PKHD1L1: variants seen among roughly 807,000 people sequenced by gnomAD.
PKHD1L1 encodes fibrocystin-L.
A neutral mutation model predicts 462.9 loss-of-function variants in PKHD1L1; 434 were observed. The observed-to-expected ratio is 0.94, with a 90% CI of 0.87 to 1.02. The LOEUF is 1.02. Ranked by LOEUF, PKHD1L1 falls within the 50% of genes least tolerant of loss-of-function variation. The probability of loss-of-function intolerance (pLI) is 0.00; values close to 1 mark genes in which losing one functional copy is unlikely to be tolerated. For synonymous variants in PKHD1L1, 1,781 were observed against 1,750.0 expected (o/e 1.02, Z -0.44); for missense variants, 5,202 against 5,096.1 (o/e 1.02, Z -0.63).
Position 109,459,594 on chromosome 8 carries a change from G to C in PKHD1L1, c.7005-1G>C. 1 of 1,505,310 alleles carries C rather than the reference G, an allele frequency of 6.6e-7. No individual in the cohort carries two copies. The highest frequency in any genetic ancestry group is 1.4e-5 in the African/African-American group (1 of 71,400). 93.2% of individuals were successfully genotyped at this position (1,505,310 alleles called of 1,614,324 possible). A position where few individuals can be genotyped will look rare whatever the true frequency, so the allele number is the denominator to read the frequency against. ...AAATTTTTTTGTCAAAATTTTTACA[G>C]ACACAGTCAAGGAGAGAATGAAAAA... On this transcript the variant is annotated splice_acceptor_variant, in intron 46 of 77. Coordinates refer to ENST00000378402, the MANE Select transcript of PKHD1L1 (RefSeq NM_177531.6). LOFTEE classifies it high-confidence loss of function.
At chr8:109,379,030 A>G (rs924235175) in intron 2 of PKHD1L1, among the ~76,000 whole-genome samples, 4 of 152,180 alleles carry the variant, frequency 2.6e-5, no homozygotes, top group Admixed American at 2.6e-4. Flanking sequence ...GGGCCCATGA[A>G]GAATGGCCAT....
At chr8:109,481,633 G>C in intron 56 of PKHD1L1, 71 bp downstream of exon 56, 1 of 1,291,690 alleles carries the variant, frequency 7.7e-7, no homozygotes, top group East Asian at 2.9e-5. Flanking sequence ...TGGCACTAAA[G>C]TACATATCAG....
rs182627595 is a variant in PKHD1L1 at position 109,483,753 on chromosome 8, C to G, written c.9576+648C>G. ...AATTATTTAAAATATATTTTATTAT[C>G]TTGGTTACCTCTTCACTTCTAATTT... is the stretch of plus-strand genomic sequence containing the variant. On this transcript the variant is annotated intron_variant, in intron 57 of 77. Coordinates refer to ENST00000378402, the MANE Select transcript of PKHD1L1 (RefSeq NM_177531.6). Among the ~76,000 whole-genome samples the G allele has an allele frequency of 6.3e-3, 946 of 151,318 alleles. 11 individuals are homozygous for G. The highest frequency in any genetic ancestry group is 0.022 in the African/African-American group (903 of 41,386).
chr8:109,526,822 G>T lies in PKHD1L1; in HGVS notation c.12523G>T (p.Val4175Phe), dbSNP rs752085992. 19 of 1,567,372 alleles carry T rather than the reference G, an allele frequency of 1.2e-5. No individual in the cohort carries two copies. The South Asian group carries it at 2.2e-4, about 18-fold the overall frequency. ...GATTGAATTTATACTGGATAATGTT[G>T]TTGGGGTAGAATCCAGAACTTTCAG... ...YKIEFILDNV[V>F]GVESRTFSLL... Residue 4175 changes from valine to phenylalanine, a missense_variant, in exon 77 of 78, where the codon GTT (valine) becomes TTT (phenylalanine). Val to Phe is a conservative substitution (Grantham distance 50). Transcript: ENST00000378402.
chr8:109,507,125 G>T (rs1344192077), intron 68 of PKHD1L1, among the ~76,000 whole-genome samples: 2 of 152,088 alleles, frequency 1.3e-5, no homozygotes, highest in Non-Finnish European at 2.9e-5. Context: ...ATACTAATCT[G>T]CAATTGGTGA....
At chr8:109,413,395 C>A (rs766347943) in intron 20 of PKHD1L1, 26 bp from the exon 21 acceptor site, 84 of 1,412,438 alleles carry the variant, frequency 5.9e-5, no homozygotes, top group Non-Finnish European at 7.7e-5. Flanking sequence ...TATATTGTTA[C>A]CAATGTTTTT....
intron 59 of PKHD1L1, among the ~76,000 whole-genome samples, chr8:109,489,273 T>G (rs1246903919): frequency 2.0e-5 from 3 of 151,976 alleles, no homozygotes; most frequent in Non-Finnish European, 4.4e-5. Flanking sequence ...TGCCTCAGTT[T>G]TTTTTAACTA....
intron 1 of PKHD1L1, 126 bp downstream of exon 1, chr8:109,362,779 G>A: frequency 9.8e-7 from 1 of 1,020,582 alleles, no homozygotes; most frequent in Non-Finnish European, 1.5e-6. Context: ...GCGGTTGCAT[G>A]ACGATCCTGG....
At chr8:109,449,621 A>G (rs960653507) in intron 40 of PKHD1L1, 134 bp downstream of exon 40, 2 of 656,390 alleles carry the variant, frequency 3.0e-6, no homozygotes, top group African/African-American at 3.8e-5. Flanking sequence ...ATTCTAAGCA[A>G]TTTCTTCAGG....
intron 70 of PKHD1L1, 59 bp downstream of exon 70, chr8:109,508,323 A>T: frequency 1.4e-6 from 2 of 1,476,616 alleles, no homozygotes; most frequent in Non-Finnish European, 1.8e-6. Flanking sequence ...TATTAAATGC[A>T]TGAAGCCATC....
rs1436978323 is a variant in PKHD1L1, at chr8:109,533,699, A to T, written c.*3609A>T. ...TACATGGAGCAAGATGGCTCCTGAG[A>T]CCTGGAGGATAAAGGCCAGTGCCTT... On this transcript the variant is annotated 3_prime_UTR_variant, in exon 78 of 78. Coordinates refer to ENST00000378402, the MANE Select transcript of PKHD1L1 (RefSeq NM_177531.6). Among the ~76,000 whole-genome samples, 2 of 152,182 alleles carry T rather than the reference A, an allele frequency of 1.3e-5. No individual in the cohort carries two copies. Among genetic ancestry groups the T allele is most frequent in the Non-Finnish European group, 2.9e-5 (2 of 68,038 alleles).
chr8:109,374,054 T>A (rs7816111), intron 2 of PKHD1L1, among the ~76,000 whole-genome samples: 3 of 152,172 alleles, frequency 2.0e-5, no homozygotes, highest in African/African-American at 7.2e-5. Flanking sequence ...TTCCTGGATA[T>A]CCTTGTTAAC....
In PKHD1L1 at chr8:109,469,699, G is replaced by A. The variant is rs118153050; in HGVS notation, c.8605+2930G>A. Among the ~76,000 whole-genome samples, 642 of 152,142 alleles carry A rather than the reference G, an allele frequency of 4.2e-3. 5 individuals are homozygous for A. Among genetic ancestry groups the A allele is most frequent in the Non-Finnish European group, 7.5e-3 (511 of 67,996 alleles). The stretch of plus-strand genomic sequence containing the variant: ...AAAGGGTCATGTACCTGCTATCTGA[G>A]TAATAGCTATACCCACTGTCACAGT... On this transcript the variant is annotated intron_variant, in intron 50 of 77. Transcript: ENST00000378402.
intron 47 of PKHD1L1, 113 bp downstream of exon 47, chr8:109,459,949 TA>T: frequency 1.1e-4 from 95 of 879,914 alleles, no homozygotes; most frequent in Non-Finnish European, 1.3e-4. Flanking sequence ...TATCATTAAA[TA>T]TAATTTAATG....
intron 67 of PKHD1L1, among the ~76,000 whole-genome samples, chr8:109,499,518 TA>T (rs143222260): frequency 0.03 from 4,617 of 152,260 alleles, 219 homozygotes; most frequent in African/African-American, 0.11. Context: ...ACATGCTACA[TA>T]GGTTGTAATT....
In PKHD1L1 at chr8:109,497,084, A is replaced by T. The variant is rs1232454595; in HGVS notation, c.10476+17A>T. On this transcript the variant is annotated intron_variant, in intron 64 of 77. Coordinates refer to ENST00000378402, the MANE Select transcript of PKHD1L1 (RefSeq NM_177531.6). The stretch of plus-strand genomic sequence containing the variant: ...TATTTTCAGGTAATTATGATTAAAG[A>T]TGGTGATTGTTTATTTTCTTTTATG... 1 of 1,612,776 alleles carries T rather than the reference A, an allele frequency of 6.2e-7. No individual in the cohort carries two copies. Among genetic ancestry groups the T allele is most frequent in the Non-Finnish European group, 8.5e-7 (1 of 1,179,110 alleles).
intron 65 of PKHD1L1, among the ~76,000 whole-genome samples, chr8:109,497,837 GT>G (rs1192306160): frequency 1.3e-5 from 2 of 152,046 alleles, no homozygotes; most frequent in African/African-American, 4.8e-5. Context: ...TTCTGAGCCA[GT>G]TTAGGTGGTA....
Position 109,508,195 on chromosome 8 carries a change from C to T in PKHD1L1, c.11326C>T (p.Pro3776Ser). 1 of 1,613,266 alleles carries T rather than the reference C, an allele frequency of 6.2e-7. No individual in the cohort carries two copies. Among genetic ancestry groups the T allele is most frequent in the Non-Finnish European group, 8.5e-7 (1 of 1,179,450 alleles). ...YAMMVIESLD[P>S]DTETRRLSPV... ...AATGATGGTTATTGAAAGTCTGGAT[C>T]CTGACACAGAAACTCGAAGACTTTC... is the stretch of plus-strand genomic sequence containing the variant. Residue 3776 changes from proline (P) to serine (S), a missense_variant, in exon 70 of 78, where the codon CCT (proline) becomes TCT (serine). This residue lies in a region of PKHD1L1 where 698 missense variants were observed against 736.3 expected (regional missense o/e 0.95). Coordinates refer to ENST00000378402, the MANE Select transcript of PKHD1L1 (RefSeq NM_177531.6).
chr8:109,438,856 G>T, intron 31 of PKHD1L1, 41 bp from the exon 32 acceptor site: 1 of 1,413,576 alleles, frequency 7.1e-7, no homozygotes, highest in Non-Finnish European at 9.6e-7. Flanking sequence ...TGGATAACAA[G>T]TTGAACTTTT....
Sources: allele counts gnomAD v4.1 joint callset (sites outside exome capture counted in the v4.1 genomes callset), GRCh38; gene constraint gnomAD v4.1.1; regional missense constraint gnomAD v4.1.1; transcripts MANE v1.5; gene names NCBI Gene and HGNC (gene_info 2026-07-23, HGNC 2026-07-21).